The following ARHGAP32 variants were observed in gnomAD, a reference collection of about 807,000 sequenced individuals.
ARHGAP32 encodes the protein rho GTPase-activating protein 32.
Under a neutral mutation model 186.5 loss-of-function variants are expected in ARHGAP32, and 51 were observed. That is an observed-to-expected ratio of 0.27 (90% CI 0.22 to 0.35). ARHGAP32 has a LOEUF of 0.35. Among genes scored for constraint, ARHGAP32 ranks in the 10% least tolerant of loss-of-function variants. The probability of loss-of-function intolerance (pLI) is 1.00; values close to 1 mark genes in which losing one functional copy is unlikely to be tolerated. For synonymous variants in ARHGAP32, 950 were observed against 964.3 expected, an observed-to-expected ratio of 0.99 and a Z score of 0.27; for missense variants, 2,186 against 2,623.5, an observed-to-expected ratio of 0.83 and a Z score of 3.64.
chr11:129,007,746 C>A (rs998699068), intron 11 of ARHGAP32, among the ~76,000 whole-genome samples: 2 of 152,140 alleles, frequency 1.3e-5, no homozygotes, highest in African/African-American at 4.8e-5. Flanking sequence ...AGGTCATGTG[C>A]CCCTCAAGTC....
In ARHGAP32 at chr11:129,063,928, G is replaced by C; in HGVS notation, c.859C>G (p.Arg287Gly). 2.5e-6 allele frequency: 4 copies of C among 1,611,606 alleles called. No homozygotes were observed. The highest frequency in any genetic ancestry group is 3.4e-6 in the Non-Finnish European group (4 of 1,178,940). ...AAHVIKRYTA[R>G]APDELTLEVG... ...TCTAAGGTCAGTTCGTCAGGGGCCC[G>C]AGCAGTGTACCTCTTGATAACATGG... Residue 287 changes from arginine to glycine, a missense_variant, in exon 9 of 23, where the codon CGG becomes GGG. Around this residue, in one of 5 missense-constraint regions of ARHGAP32, gnomAD observed 308 missense variants for 596.5 expected, o/e 0.52. Transcript: ENST00000682385.
At chr11:129,124,524 G>A (rs1238297651) in intron 3 of ARHGAP32, among the ~76,000 whole-genome samples, 1 of 152,040 alleles carries the variant, frequency 6.6e-6, no homozygotes, top group Non-Finnish European at 1.5e-5. Context: ...CATGCACTAA[G>A]GGTACCAAGA....
intron 1 of ARHGAP32, among the ~76,000 whole-genome samples, chr11:129,254,933 A>T (rs1408057253): frequency 6.6e-6 from 1 of 152,142 alleles, no homozygotes; most frequent in Non-Finnish European, 1.5e-5. Context: ...TTAAGAGGCT[A>T]GAAGTCTAGC....
At chr11:129,059,196 C>T (rs540081648) in intron 10 of ARHGAP32, among the ~76,000 whole-genome samples, 2 of 152,286 alleles carry the variant, frequency 1.3e-5, no homozygotes, top group East Asian at 3.9e-4. Context: ...AGACTTAGAT[C>T]TCAGTCCCTA....
chr11:129,136,692 A>C (rs1465334831), intron 2 of ARHGAP32, among the ~76,000 whole-genome samples: 1 of 152,126 alleles, frequency 6.6e-6, no homozygotes, highest in Admixed American at 6.5e-5. Flanking sequence ...AAGATGGCTT[A>C]ATAGAACATC....
intron 1 of ARHGAP32, among the ~76,000 whole-genome samples, chr11:129,264,375 G>A (rs937993567): frequency 1.3e-5 from 2 of 152,216 alleles, no homozygotes; most frequent in African/African-American, 4.8e-5. Context: ...GGCTAAGATA[G>A]CGAATTTTAT....
chr11:128,974,382 T>C lies in ARHGAP32; in HGVS notation c.2815A>G (p.Thr939Ala), dbSNP rs761467246. ...TTCTGAGCTGTGGTATTTGAGACTGTACCAATGACTTCTGACACCCGTGGT... is the reference window on the plus strand; with the variant it reads ...TTCTGAGCTGTGGTATTTGAGACTGCACCAATGACTTCTGACACCCGTGGT... ...LPPRVSEVIG[T>A]VSNTTAQNAS... The change falls in exon 21 of 23, where the codon ACA (threonine) becomes GCA (alanine). Residue 939 changes from threonine (T) to alanine (A), a missense_variant. Around this residue, in one of 5 missense-constraint regions of ARHGAP32, gnomAD observed 1,502 missense variants for 1,570.0 expected, o/e 0.96. Transcript: ENST00000682385. 7.4e-6 allele frequency: 12 copies of C among 1,614,238 alleles called. No individual in the cohort carries two copies. The Admixed American group carries it at 1.0e-4, about 13-fold the overall frequency.
At chr11:129,191,627 T>C (rs1279393992) in intron 1 of ARHGAP32, among the ~76,000 whole-genome samples, 1 of 150,352 alleles carries the variant, frequency 6.7e-6, no homozygotes, top group Non-Finnish European at 1.5e-5. Flanking sequence ...GAATTTTTCA[T>C]ACCCATGCAT....
intron 15 of ARHGAP32, among the ~76,000 whole-genome samples, chr11:128,984,151 A>T (rs1415168459): frequency 6.6e-6 from 1 of 152,164 alleles, no homozygotes; most frequent in African/African-American, 2.4e-5. Context: ...AGGTGGGTGG[A>T]TCACCTGAGC....
intron 6 of ARHGAP32, among the ~76,000 whole-genome samples, chr11:129,091,687 T>G (rs539407526): frequency 6.6e-6 from 1 of 152,220 alleles, no homozygotes; most frequent in African/African-American, 2.4e-5. Context: ...TATCTGAAGA[T>G]TAAGCAGTTT....
At chr11:129,255,923 TA>T (rs1474110974) in intron 1 of ARHGAP32, among the ~76,000 whole-genome samples, 1 of 152,076 alleles carries the variant, frequency 6.6e-6, no homozygotes, top group Non-Finnish European at 1.5e-5. Context: ...GTAATATTCG[TA>T]AGTCAAAACT....
At chr11:128,998,790 T>C (rs1266877329) in intron 11 of ARHGAP32, among the ~76,000 whole-genome samples, 1 of 152,252 alleles carries the variant, frequency 6.6e-6, no homozygotes, top group East Asian at 1.9e-4. Flanking sequence ...TAATTTCTTA[T>C]GCCTGTCTTT....
chr11:129,181,672 C>T (rs909550392), intron 1 of ARHGAP32, among the ~76,000 whole-genome samples: 1 of 152,114 alleles, frequency 6.6e-6, no homozygotes, highest in Non-Finnish European at 1.5e-5. Flanking sequence ...CCGATGAGGA[C>T]AGTTACATTG....
chr11:129,239,018 T>C (rs556921533), intron 1 of ARHGAP32, among the ~76,000 whole-genome samples: 2 of 152,074 alleles, frequency 1.3e-5, no homozygotes, highest in Admixed American at 6.6e-5. Context: ...TTATTATTTA[T>C]AGAGTATTAT....
intron 15 of ARHGAP32, 67 bp downstream of exon 15, chr11:128,985,936 G>T: frequency 1.9e-6 from 2 of 1,074,970 alleles, no homozygotes; most frequent in Non-Finnish European, 2.5e-6. Flanking sequence ...GAAATCCAAA[G>T]GAAAAAAAAA....
intron 6 of ARHGAP32, among the ~76,000 whole-genome samples, chr11:129,074,231 T>A (rs1940965417): frequency 6.6e-6 from 1 of 152,184 alleles, no homozygotes; most frequent in Non-Finnish European, 1.5e-5. Context: ...AACAGTTTGT[T>A]CAAATAATAG....
chr11:129,133,034 A>C (rs1262810238), intron 2 of ARHGAP32, among the ~76,000 whole-genome samples: 1 of 152,176 alleles, frequency 6.6e-6, no homozygotes, highest in Non-Finnish European at 1.5e-5. Context: ...GCTGTGTAGG[A>C]AGCATGACTG....
intron 19 of ARHGAP32, 98 bp from the exon 20 acceptor site, chr11:128,976,732 G>A (rs929590194): frequency 1.0e-6 from 1 of 973,708 alleles, no homozygotes; most frequent in East Asian, 2.4e-5. Context: ...ACTTTTGAGA[G>A]TGATTAGCTG....
chr11:129,225,841 G>T (rs909557149), intron 1 of ARHGAP32, among the ~76,000 whole-genome samples: 12 of 152,148 alleles, frequency 7.9e-5, no homozygotes, highest in Middle Eastern at 3.4e-3. Context: ...TCTTAAATAC[G>T]TTCAAAGAAC....
Sources: allele counts gnomAD v4.1 joint callset (sites outside exome capture counted in the v4.1 genomes callset), GRCh38; gene constraint gnomAD v4.1.1; regional missense constraint gnomAD v4.1.1; transcripts MANE v1.5; gene names NCBI Gene and HGNC (gene_info 2026-07-23, HGNC 2026-07-21).